Variants in CERT1 observed in about 807,000 individuals in gnomAD.
CERT1 encodes the protein ceramide transfer protein.
CERT1 carries 31 observed loss-of-function variants against 87.9 expected under a neutral mutation model. The observed-to-expected ratio is 0.35, with a 90% CI of 0.27 to 0.48. The LOEUF is 0.48. Ranked by LOEUF, CERT1 falls within the 20% of genes least tolerant of loss-of-function variation. The pLI, the probability that CERT1 is intolerant of heterozygous loss-of-function variation, is 0.99. For synonymous variants in CERT1, 289 were observed against 250.9 expected, an observed-to-expected ratio of 1.15 and a Z score of -1.44; for missense variants, 487 against 758.0, an observed-to-expected ratio of 0.64 and a Z score of 4.20.
chr5:75,391,060 G>A (rs940450296), intron 11 of CERT1, among the ~76,000 whole-genome samples: 4 of 151,982 alleles, frequency 2.6e-5, no homozygotes, highest in Admixed American at 1.3e-4. Context: ...CAATTTCCTG[G>A]GCTCAAGGGA....
chr5:75,466,421 C>T (rs73764908), intron 2 of CERT1, among the ~76,000 whole-genome samples: 4,880 of 152,226 alleles, frequency 0.032, 257 homozygotes, highest in African/African-American at 0.11. Flanking sequence ...AGGTGTCGCT[C>T]CACAACATTT....
intron 2 of CERT1, among the ~76,000 whole-genome samples, chr5:75,494,345 G>A (rs1199473760): frequency 1.3e-5 from 2 of 152,160 alleles, no homozygotes; most frequent in Non-Finnish European, 2.9e-5. Context: ...CCTGTCCTGA[G>A]GATTAAAGTT....
At chr5:75,414,432 G>A (rs12516578) in intron 7 of CERT1, among the ~76,000 whole-genome samples, 1,650 of 152,172 alleles carry the variant, frequency 0.011, 69 homozygotes, top group Admixed American at 0.078. Context: ...AAACAAAAAT[G>A]CACAGCACAG....
At chr5:75,374,146 T>C (rs965457883), downstream of CERT1, 4 of 399,920 alleles carry the variant, frequency 1.0e-5, no homozygotes, top group African/African-American at 4.1e-5. Context: ...CTTTTTTTTT[T>C]CTTTTTTTCT....
At chr5:75,384,123 A>C (rs1437656394) in intron 14 of CERT1, among the ~76,000 whole-genome samples, 1 of 152,198 alleles carries the variant, frequency 6.6e-6, no homozygotes, top group African/African-American at 2.4e-5. Flanking sequence ...TTGTCACAGG[A>C]AGCTATAATT....
chr5:75,439,868 C>T lies in CERT1; in HGVS notation c.349-13390G>A, dbSNP rs1580773680. 2.0e-5 allele frequency among the ~76,000 whole-genome samples: 3 copies of T among 152,150 alleles called. No individual in the cohort carries two copies. In the East Asian group the frequency reaches 5.8e-4, roughly 29 times the overall value. ...GAGGTAAAATTTAGCATGACAATTT[C>T]ATGCTCATTAATATTAAAATTTATT... is the stretch of plus-strand genomic sequence containing the variant. On this transcript the variant is annotated intron_variant, in intron 3 of 16. Transcript: ENST00000643780.
chr5:75,503,916 A>AATTAAAC (rs1374804245), intron 2 of CERT1, among the ~76,000 whole-genome samples: 1 of 151,666 alleles, frequency 6.6e-6, no homozygotes, highest in African/African-American at 2.4e-5. Flanking sequence ...GTTTAATTTA[A>AATTAAAC]AATTTTCTTT....
intron 1 of CERT1, among the ~76,000 whole-genome samples, chr5:75,506,710 A>G (rs1767666096): frequency 6.6e-6 from 1 of 152,222 alleles, no homozygotes; most frequent in Non-Finnish European, 1.5e-5. Flanking sequence ...CCTCTACAGA[A>G]CTGAATAATA....
At chr5:75,470,119 AC>A (rs1340645374) in intron 2 of CERT1, among the ~76,000 whole-genome samples, 2 of 152,134 alleles carry the variant, frequency 1.3e-5, no homozygotes, top group Non-Finnish European at 2.9e-5. Flanking sequence ...GAAATTCAAC[AC>A]CTCACTTTCA....
intron 2 of CERT1, among the ~76,000 whole-genome samples, chr5:75,494,184 T>C (rs1356651157): frequency 6.6e-6 from 1 of 152,234 alleles, no homozygotes; most frequent in Non-Finnish European, 1.5e-5. Context: ...ATCTTCTGAC[T>C]CGAAACCCAA....
At chr5:75,440,612 T>C (rs1198618932) in intron 3 of CERT1, among the ~76,000 whole-genome samples, 1 of 152,112 alleles carries the variant, frequency 6.6e-6, no homozygotes, top group East Asian at 1.9e-4. Context: ...ATAGGCAAAA[T>C]GCTAAAGTGA....
In CERT1 at chr5:75,508,228, G is replaced by GT. The variant is rs35709996; in HGVS notation, c.97-2113dup. Among the ~76,000 whole-genome samples the GT allele has an allele frequency of 7.2e-3, 1,098 of 152,202 alleles. 13 individuals carry two copies. The highest frequency in any genetic ancestry group is 0.047 in the East Asian group (243 of 5,172). On this transcript the variant is annotated intron_variant, in intron 1 of 16. Transcript: ENST00000643780. ...GGCTAAACTTTGTGACAGTGGTCAA[G>GT]TTACTTATTCTCTTTGTGTTCTTTT...
chr5:75,448,030 G>C (rs1302310199), intron 3 of CERT1, among the ~76,000 whole-genome samples: 1 of 152,152 alleles, frequency 6.6e-6, no homozygotes, highest in Admixed American at 6.5e-5. Context: ...CAATTTGCAG[G>C]AATAGTTTTA....
intron 2 of CERT1, among the ~76,000 whole-genome samples, chr5:75,489,305 C>T (rs1766665590): frequency 6.6e-6 from 1 of 152,140 alleles, no homozygotes. Context: ...TAGAAGAAAA[C>T]CTAGGCAATA....
chr5:75,400,573 T>A lies in CERT1; in HGVS notation c.1018-276A>T, dbSNP rs1004086090. 2.2e-5 allele frequency: 7 copies of A among 315,612 alleles called. No individual in the cohort carries two copies. The Admixed American group carries it at 2.8e-4, about 13-fold the overall frequency. 19.6% of individuals were successfully genotyped at this position (315,612 alleles called of 1,614,324 possible). ...CTAGTCAGACTCCCTGCTACCTGCA[T>A]AGCATTATTTATCATGGGTCAATCT... On this transcript the variant is annotated intron_variant, in intron 9 of 16. Transcript: ENST00000643780.
At chr5:75,370,978 TA>T in intron 17 of CERT1, 1 of 149,550 alleles carries the variant, frequency 6.7e-6, no homozygotes. Flanking sequence ...AAAAAAAATT[TA>T]GGCTGCAACT....
intron 2 of CERT1, among the ~76,000 whole-genome samples, chr5:75,474,625 C>G (rs1466290930): frequency 1.3e-5 from 2 of 151,948 alleles, no homozygotes; most frequent in African/African-American, 4.8e-5. Context: ...CTATTAGACT[C>G]CCTCTACTAG....
chr5:75,381,344 C>G, intron 15 of CERT1, 143 bp from the exon 16 acceptor site: 2 of 912,022 alleles, frequency 2.2e-6, no homozygotes, highest in East Asian at 5.2e-5. Context: ...TGATATGACA[C>G]CAGGATTCCT....
intron 3 of CERT1, among the ~76,000 whole-genome samples, chr5:75,436,412 A>G (rs1423879403): frequency 6.6e-6 from 1 of 152,322 alleles, no homozygotes; most frequent in African/African-American, 2.4e-5. Context: ...TCCTTTACCT[A>G]AAATGGCTCT....
Sources: gnomAD v4.1 joint callset for allele counts (sites outside exome capture counted in the v4.1 genomes callset) on GRCh38, gnomAD v4.1.1 for gene constraint, MANE v1.5 for transcripts, NCBI Gene and HGNC (gene_info 2026-07-23, HGNC 2026-07-21) for gene names.